PREX1: variants seen among roughly 807,000 people sequenced by gnomAD.
PREX1 encodes the protein phosphatidylinositol 3,4,5-trisphosphate-dependent Rac exchanger 1 protein.
In PREX1, 41 loss-of-function variants were observed where a neutral mutation model predicts 198.3. That is an observed-to-expected ratio of 0.21 (90% confidence interval 0.16 to 0.27). The LOEUF (loss-of-function observed/expected upper bound fraction) is 0.27, where lower values mean the gene tolerates loss of function less well. Ranked by LOEUF, PREX1 falls within the 10% of genes least tolerant of loss-of-function variation. The pLI is 1.00. For synonymous variants in PREX1, 843 were observed against 887.2 expected, an observed-to-expected ratio of 0.95 and a Z score of 0.89; for missense variants, 1,620 against 2,200.7, an observed-to-expected ratio of 0.74 and a Z score of 5.28.
intron 3 of PREX1, 44 bp downstream of exon 3, chr20:48,744,981 T>C (rs2090101032): frequency 1.2e-6 from 2 of 1,604,288 alleles, no homozygotes; most frequent in African/African-American, 2.7e-5. Flanking sequence ...GAAGCCCACT[T>C]TTCAAAAACT....
intron 1 of PREX1, among the ~76,000 whole-genome samples, chr20:48,749,091 G>A (rs967630507): frequency 6.6e-6 from 1 of 152,132 alleles, no homozygotes; most frequent in Non-Finnish European, 1.5e-5. Flanking sequence ...GAGTCACAGG[G>A]ATAAATGTTG....
the PREX1 span, among the ~76,000 whole-genome samples, chr20:48,838,194 A>G: frequency 6.6e-6 from 1 of 152,162 alleles, no homozygotes; most frequent in Non-Finnish European, 1.5e-5. Context: ...GAAACGTTCT[A>G]TTTCCTAACC....
chr20:48,672,162 T>C (rs1480037213), intron 14 of PREX1, among the ~76,000 whole-genome samples: 1 of 152,076 alleles, frequency 6.6e-6, no homozygotes, highest in East Asian at 1.9e-4. Flanking sequence ...AATGCTGGAG[T>C]GTTCCAGGGT....
Position 48,625,839 on chromosome 20 carries a change from A to G in PREX1, c.*46T>C. On this transcript the variant is annotated 3_prime_UTR_variant, in exon 40 of 40. Coordinates refer to ENST00000371941, the MANE Select transcript of PREX1 (RefSeq NM_020820.4). ...CAGCGCTGCCTGCTGTGTCCTCCCA[A>G]ATCCCAGCTCCAGAGGCCGCGGCCC... 2 of 1,525,200 alleles carry G rather than the reference A, an allele frequency of 1.3e-6. No individual in the cohort carries two copies. Among genetic ancestry groups the G allele is most frequent in the Non-Finnish European group, 1.8e-6 (2 of 1,131,876 alleles). 94.5% of individuals were successfully genotyped at this position (1,525,200 alleles called of 1,614,324 possible). A position where few individuals can be genotyped will look rare whatever the true frequency, so the allele number is the denominator to read the frequency against.
chr20:48,696,458 CACTGTCTTAA>C (rs1457731956), intron 7 of PREX1, among the ~76,000 whole-genome samples: 1 of 152,194 alleles, frequency 6.6e-6, no homozygotes, highest in African/African-American at 2.4e-5. Flanking sequence ...ACCAATACCA[CACTGTCTTAA>C]TTACTACGAC....
the PREX1 span, among the ~76,000 whole-genome samples, chr20:48,881,614 G>A: frequency 6.2e-4 from 94 of 152,018 alleles, 2 homozygotes; most frequent in South Asian, 0.013. Context: ...AGCCTCCTGA[G>A]TAGCTGGGTC....
In PREX1 at chr20:48,697,610, T is replaced by A. The variant is rs557046881; in HGVS notation, c.917+3143A>T. 2.6e-5 allele frequency among the ~76,000 whole-genome samples: 4 copies of A among 152,194 alleles called. No homozygotes were observed. The South Asian group carries it at 8.3e-4, about 32-fold the overall frequency. On this transcript the variant is annotated intron_variant, in intron 7 of 39. Coordinates refer to ENST00000371941, the MANE Select transcript of PREX1 (RefSeq NM_020820.4). Reference sequence around the variant, plus strand: ...TGTGTTAGCCAGGATGGCCTCGATCTTCTGACCTCATGATCCACCCTCCTC... The same window carrying A: ...TGTGTTAGCCAGGATGGCCTCGATCATCTGACCTCATGATCCACCCTCCTC...
At chr20:48,715,346 C>A (rs1372175600) in intron 5 of PREX1, among the ~76,000 whole-genome samples, 1 of 152,150 alleles carries the variant, frequency 6.6e-6, no homozygotes, top group Non-Finnish European at 1.5e-5. Flanking sequence ...GAGAGGGCTA[C>A]CTTGTAAGGT....
chr20:48,700,619 A>C (rs2089868810), intron 7 of PREX1, 134 bp downstream of exon 7: 1 of 1,183,370 alleles, frequency 8.5e-7, no homozygotes, highest in South Asian at 1.5e-5. Context: ...TTGTATTCCT[A>C]CTAGACAGCA....
At chr20:48,852,347 G>A in the PREX1 span, among the ~76,000 whole-genome samples, 1 of 151,984 alleles carries the variant, frequency 6.6e-6, no homozygotes, top group Non-Finnish European at 1.5e-5. Context: ...TCATGGTGCT[G>A]GAGGCGGAAT....
chr20:48,873,234 C>A, the PREX1 span, among the ~76,000 whole-genome samples: 1 of 152,160 alleles, frequency 6.6e-6, no homozygotes, highest in African/African-American at 2.4e-5. Context: ...ACATTTCAAA[C>A]CTTTGTTTGG....
chr20:48,717,558 C>A (rs2089967947), intron 5 of PREX1, among the ~76,000 whole-genome samples: 1 of 151,590 alleles, frequency 6.6e-6, no homozygotes, highest in Non-Finnish European at 1.5e-5. Context: ...TCCAAGAGAA[C>A]CCAGAAGTGA....
At chr20:48,790,010 T>C (rs751129564) in intron 1 of PREX1, among the ~76,000 whole-genome samples, 11 of 152,168 alleles carry the variant, frequency 7.2e-5, no homozygotes, top group Admixed American at 2.0e-4. Flanking sequence ...ATGAACCCAT[T>C]AGCAAAGAAG....
At chr20:48,721,034 C>A (rs147195460) in intron 5 of PREX1, among the ~76,000 whole-genome samples, 70 of 152,274 alleles carry the variant, frequency 4.6e-4, no homozygotes, top group African/African-American at 1.5e-3. Flanking sequence ...CCTGTTGGGG[C>A]CCACAGTGTT....
At chr20:48,730,769 A>G (rs1231470700) in intron 4 of PREX1, among the ~76,000 whole-genome samples, 3 of 152,068 alleles carry the variant, frequency 2.0e-5, no homozygotes, top group African/African-American at 2.4e-5. Context: ...CCAAAGAGGG[A>G]GGATTGCTTT....
At chr20:48,664,771 G>A (rs897147581) in intron 15 of PREX1, among the ~76,000 whole-genome samples, 2 of 151,850 alleles carry the variant, frequency 1.3e-5, no homozygotes, top group African/African-American at 2.4e-5. Flanking sequence ...GACTCCAGAC[G>A]GCCTGAATTC....
intron 1 of PREX1, among the ~76,000 whole-genome samples, chr20:48,775,693 T>G (rs1440231069): frequency 6.6e-6 from 1 of 152,092 alleles, no homozygotes; most frequent in Non-Finnish European, 1.5e-5. Context: ...AGTGAATAAG[T>G]CTCAAGAGAT....
At chr20:48,712,813 C>T (rs1386044943) in intron 5 of PREX1, among the ~76,000 whole-genome samples, 1 of 152,220 alleles carries the variant, frequency 6.6e-6, no homozygotes, top group African/African-American at 2.4e-5. Flanking sequence ...GCTGTTTCCT[C>T]TCCCGGCACA....
chr20:48,706,980 G>T (rs994022402), intron 6 of PREX1, among the ~76,000 whole-genome samples: 1 of 152,154 alleles, frequency 6.6e-6, no homozygotes, highest in African/African-American at 2.4e-5. Flanking sequence ...CCAGGAAAAG[G>T]CTCCTCAGGT....
Sources: allele counts gnomAD v4.1 joint callset (sites outside exome capture counted in the v4.1 genomes callset), GRCh38; gene constraint gnomAD v4.1.1; transcripts MANE v1.5; gene names NCBI Gene and HGNC (gene_info 2026-07-23, HGNC 2026-07-21).